The following DMD variants were observed in gnomAD, a reference collection of about 807,000 sequenced individuals.
The protein encoded by DMD is mutant dystrophin.
In DMD, 63 loss-of-function variants were observed where a neutral mutation model predicts 330.1. That is an observed-to-expected ratio of 0.19 (90% CI 0.16 to 0.24). The LOEUF (loss-of-function observed/expected upper bound fraction) is 0.24, where lower values mean the gene tolerates loss of function less well. DMD is among the 10% of genes least tolerant of loss of function. The pLI is 1.00. For missense variants in DMD, 3,344 were observed against 2,684.1 expected, an observed-to-expected ratio of 1.25 and a Z score of -5.43; for synonymous variants, 1,223 against 959.8, an observed-to-expected ratio of 1.27 and a Z score of -5.07.
At chrX:32,942,417 C>A (rs975498214) in intron 2 of DMD, among the ~76,000 whole-genome samples, 1 of 110,831 alleles carries the variant, frequency 9.0e-6, no homozygotes, top group Non-Finnish European at 1.9e-5. Context: ...GCGGTGTGTG[C>A]CTATAATCCC....
At chrX:32,274,112 C>T (rs331344) in intron 43 of DMD, among the ~76,000 whole-genome samples, 14,403 of 111,053 alleles carry the variant, frequency 0.13, 863 homozygotes, top group Non-Finnish European at 0.19. Flanking sequence ...TTAATATCAG[C>T]CTCCAAAATG....
chrX:32,645,182 C>A, intron 9 of DMD, 30 bp from the exon 10 acceptor site: 13 of 1,187,820 alleles, frequency 1.1e-5, no homozygotes, highest in Non-Finnish European at 1.5e-5. Context: ...GGGTGTTACA[C>A]AATTAATGTC....
At chrX:32,345,401 ATTATT>A (rs2097760403) in intron 39 of DMD, among the ~76,000 whole-genome samples, 1 of 111,539 alleles carries the variant, frequency 9.0e-6, no homozygotes, top group South Asian at 3.7e-4. Flanking sequence ...GGGCACTAAG[ATTATT>A]TTTTAGGATT....
At chrX:33,153,197 G>A (rs919995934) in intron 1 of DMD, among the ~76,000 whole-genome samples, 3 of 112,792 alleles carry the variant, frequency 2.7e-5, no homozygotes, top group African/African-American at 9.6e-5. Context: ...GATCACCTAA[G>A]GTTGGGAGTT....
intron 12 of DMD, among the ~76,000 whole-genome samples, chrX:32,596,792 C>A (rs748154328): frequency 5.3e-4 from 59 of 110,725 alleles, no homozygotes; most frequent in Non-Finnish European, 1.0e-3. Flanking sequence ...GGTAATCTAC[C>A]CACCTCAGCC....
intron 2 of DMD, among the ~76,000 whole-genome samples, chrX:32,996,894 A>G (rs992246151): frequency 8.9e-6 from 1 of 112,286 alleles, no homozygotes; most frequent in Non-Finnish European, 1.9e-5. Context: ...AGAAAGAAAA[A>G]CATGTTCTAA....
intron 44 of DMD, among the ~76,000 whole-genome samples, chrX:32,118,129 C>T (rs1263911687): frequency 9.0e-6 from 1 of 111,320 alleles, no homozygotes; most frequent in South Asian, 3.8e-4. Flanking sequence ...CACCCAGGGA[C>T]AAGAAGTATA....
intron 55 of DMD, among the ~76,000 whole-genome samples, chrX:31,528,142 T>C (rs1054640883): frequency 9.3e-6 from 1 of 107,894 alleles, no homozygotes; most frequent in Non-Finnish European, 1.9e-5. Flanking sequence ...TATGGAGAGA[T>C]GTCTTGTTTT....
intron 7 of DMD, among the ~76,000 whole-genome samples, chrX:32,770,523 C>G (rs1397221712): frequency 9.0e-6 from 1 of 111,220 alleles, no homozygotes; most frequent in African/African-American, 3.3e-5. Context: ...TTTAGTTTTT[C>G]TAACCTAAAT....
chrX:32,439,655 T>G (rs1362457697), intron 28 of DMD, among the ~76,000 whole-genome samples: 2 of 111,227 alleles, frequency 1.8e-5, no homozygotes, highest in African/African-American at 6.5e-5. Context: ...GTCGTGCAGT[T>G]TTTCTATCCT....
intron 44 of DMD, among the ~76,000 whole-genome samples, chrX:31,977,827 C>G (rs746941680): frequency 8.3e-5 from 9 of 108,502 alleles, no homozygotes; most frequent in African/African-American, 2.7e-4. Context: ...CATGGATTCA[C>G]TCCCCATTAT....
intron 55 of DMD, among the ~76,000 whole-genome samples, chrX:31,565,901 T>C (rs940184022): frequency 1.8e-5 from 2 of 112,571 alleles, no homozygotes; most frequent in African/African-American, 3.2e-5. Flanking sequence ...ATTTGCTATC[T>C]GTATATCCTT....
chrX:31,253,753 G>C lies in DMD; in HGVS notation c.9286+7202C>G, dbSNP rs1160649896. On this transcript the variant is annotated intron_variant, in intron 63 of 78. Coordinates refer to ENST00000357033, the MANE Select transcript of DMD (RefSeq NM_004006.3). ...CACACCCCTAACCTCAGGCCCAGCAGACCCTAAAATTAAACCCTCATTTTA... is the reference window on the plus strand; with the variant it reads ...CACACCCCTAACCTCAGGCCCAGCACACCCTAAAATTAAACCCTCATTTTA... Among the ~76,000 whole-genome samples the C allele has an allele frequency of 7.1e-5, 8 of 111,946 alleles. No homozygotes were observed. The Admixed American group carries it at 7.6e-4, about 11-fold the overall frequency.
At chrX:31,247,304 A>T (rs2048923061) in intron 63 of DMD, among the ~76,000 whole-genome samples, 1 of 111,426 alleles carries the variant, frequency 9.0e-6, no homozygotes, top group African/African-American at 3.3e-5. Flanking sequence ...GGCAAAGTAA[A>T]TGGAAAATCT....
intron 2 of DMD, among the ~76,000 whole-genome samples, chrX:32,866,449 G>A (rs1171325334): frequency 9.0e-6 from 1 of 111,127 alleles, no homozygotes; most frequent in Non-Finnish European, 1.9e-5. Context: ...ACATTATAAA[G>A]ATATTTATAA....
At chrX:32,809,943 A>AAAAAAAAAAAAAAAAAAAAAAAAG (rs2077242116) in intron 6 of DMD, among the ~76,000 whole-genome samples, 1 of 83,976 alleles carries the variant, frequency 1.2e-5, no homozygotes, top group Admixed American at 1.4e-4. Context: ...AAAAAAAAAA[A>AAAAAAAAAAAAAAAAAAAAAAAAG]AAAGAAAGAA....
chrX:32,213,307 A>G (rs1224815315), intron 44 of DMD, among the ~76,000 whole-genome samples: 1 of 112,337 alleles, frequency 8.9e-6, no homozygotes, highest in Non-Finnish European at 1.9e-5. Context: ...TCTCTTATTC[A>G]TTATTAGTCA....
intron 2 of DMD, among the ~76,000 whole-genome samples, chrX:32,869,205 A>G (rs1442926137): frequency 1.3e-4 from 15 of 111,250 alleles, no homozygotes; most frequent in Non-Finnish European, 2.6e-4. Context: ...AGCAACAACA[A>G]CAGCATCAAC....
intron 60 of DMD, among the ~76,000 whole-genome samples, chrX:31,391,894 C>CA (rs991816468): frequency 6.5e-5 from 7 of 107,007 alleles, no homozygotes; most frequent in South Asian, 4.7e-4. Context: ...AAAAAGCAAG[C>CA]AAAAAAAACG....
Sources: allele counts gnomAD v4.1 joint callset (sites outside exome capture counted in the v4.1 genomes callset), GRCh38; gene constraint gnomAD v4.1.1; transcripts MANE v1.5; gene names NCBI Gene and HGNC (gene_info 2026-07-23, HGNC 2026-07-21).